The following TCF12 variants were observed in gnomAD, a reference collection of about 807,000 sequenced individuals.
The protein encoded by TCF12 is DNA-binding protein HTF4.
In TCF12, 45 loss-of-function variants were observed where a neutral mutation model predicts 86.0. The observed-to-expected ratio is 0.52, with a 90% CI of 0.41 to 0.67. The LOEUF is 0.67. Ranked by LOEUF, TCF12 falls within the 30% of genes least tolerant of loss-of-function variation. The pLI is 0.00. For missense variants in TCF12, 881 were observed against 859.9 expected (o/e 1.02, Z -0.31); for synonymous variants, 330 against 299.6 (o/e 1.10, Z -1.05).
At chr15:56,949,236 C>G (rs777858799) in intron 3 of TCF12, among the ~76,000 whole-genome samples, 14 of 152,082 alleles carry the variant, frequency 9.2e-5, no homozygotes, top group Non-Finnish European at 1.8e-4. Flanking sequence ...TCTGCATTTG[C>G]TGGTATTTTT....
At chr15:57,272,387 A>G (rs2061183106) in intron 18 of TCF12, among the ~76,000 whole-genome samples, 1 of 152,164 alleles carries the variant, frequency 6.6e-6, no homozygotes, top group African/African-American at 2.4e-5. Context: ...ATGTTTTATA[A>G]TTATCACCAC....
chr15:57,283,002 C>G (rs2061765164), intron 20 of TCF12, among the ~76,000 whole-genome samples: 1 of 152,182 alleles, frequency 6.6e-6, no homozygotes, highest in Admixed American at 6.5e-5. Flanking sequence ...TGCCAATTAT[C>G]TAGCTTTTTG....
At chr15:57,097,956 G>A (rs2049444134) in intron 5 of TCF12, among the ~76,000 whole-genome samples, 1 of 134,828 alleles carries the variant, frequency 7.4e-6, no homozygotes, top group Admixed American at 8.6e-5. Context: ...AGGAGTTCGA[G>A]ACCAGCCTGA....
intron 16 of TCF12, among the ~76,000 whole-genome samples, chr15:57,255,960 C>T (rs931269780): frequency 2.0e-5 from 3 of 152,150 alleles, no homozygotes; most frequent in Non-Finnish European, 4.4e-5. Context: ...ACCTTCTCAG[C>T]GGGTACAGAG....
intron 3 of TCF12, among the ~76,000 whole-genome samples, chr15:56,981,373 C>CGG (rs1256401562): frequency 6.6e-6 from 1 of 152,136 alleles, no homozygotes; most frequent in Non-Finnish European, 1.5e-5. Context: ...CTGGAGAGAA[C>CGG]GGATGTTGTG....
At chr15:57,239,699 T>C (rs558675322) in intron 12 of TCF12, among the ~76,000 whole-genome samples, 1 of 152,064 alleles carries the variant, frequency 6.6e-6, no homozygotes, top group African/African-American at 2.4e-5. Context: ...ATTAGAGAAT[T>C]GTGGATATCG....
intron 8 of TCF12, among the ~76,000 whole-genome samples, chr15:57,210,002 G>T (rs774940984): frequency 1.3e-5 from 2 of 151,978 alleles, no homozygotes; most frequent in African/African-American, 4.8e-5. Context: ...GATCTTTTGT[G>T]ACCATCCTAT....
intron 8 of TCF12, among the ~76,000 whole-genome samples, chr15:57,209,486 C>T (rs112679456): frequency 0.019 from 2,951 of 152,246 alleles, 87 homozygotes; most frequent in African/African-American, 0.064. Context: ...AAATAAGTTA[C>T]GGTTTCATTG....
intron 3 of TCF12, among the ~76,000 whole-genome samples, chr15:56,992,864 G>A (rs2063520486): frequency 6.6e-6 from 1 of 152,180 alleles, no homozygotes; most frequent in Non-Finnish European, 1.5e-5. Context: ...TATTTGAGGA[G>A]TTCATGTGTC....
chr15:57,223,429 A>G (rs1283587093), intron 8 of TCF12, among the ~76,000 whole-genome samples: 2 of 152,056 alleles, frequency 1.3e-5, no homozygotes, highest in Non-Finnish European at 2.9e-5. Context: ...GGAAAAGCAC[A>G]AGGCCACTCT....
At chr15:57,031,751 C>G (rs1350336840) in intron 3 of TCF12, among the ~76,000 whole-genome samples, 1 of 152,220 alleles carries the variant, frequency 6.6e-6, no homozygotes, top group Non-Finnish European at 1.5e-5. Flanking sequence ...TCCAGAAGCT[C>G]TCTAACTCTG....
chr15:56,985,709 A>G (rs1567206891), intron 3 of TCF12, among the ~76,000 whole-genome samples: 1 of 152,172 alleles, frequency 6.6e-6, no homozygotes, highest in Non-Finnish European at 1.5e-5. Flanking sequence ...GTACCTACCT[A>G]ATGAAATCTA....
chr15:57,256,584 CT>C (rs1478746241), intron 16 of TCF12, among the ~76,000 whole-genome samples: 1 of 114,756 alleles, frequency 8.7e-6, no homozygotes, highest in Non-Finnish European at 1.7e-5. Context: ...TGTTTTTGGT[CT>C]CTTATAACTT....
At chr15:57,221,411 T>TGC (rs1555399517) in intron 8 of TCF12, among the ~76,000 whole-genome samples, 2 of 147,346 alleles carry the variant, frequency 1.4e-5, no homozygotes, top group African/African-American at 4.9e-5. Flanking sequence ...TGTGTGTGTG[T>TGC]GCACGTGTAT....
At chr15:57,079,427 A>G (rs1381003822) in intron 4 of TCF12, among the ~76,000 whole-genome samples, 1 of 152,180 alleles carries the variant, frequency 6.6e-6, no homozygotes, top group Non-Finnish European at 1.5e-5. Context: ...TGGCACTTCC[A>G]CATCTCATGC....
intron 3 of TCF12, among the ~76,000 whole-genome samples, chr15:56,984,517 CACAG>C (rs1175237420): frequency 6.6e-6 from 1 of 152,058 alleles, no homozygotes; most frequent in Non-Finnish European, 1.5e-5. Flanking sequence ...TATGTAAAAT[CACAG>C]ACAATTAGAG....
intron 3 of TCF12, among the ~76,000 whole-genome samples, chr15:57,037,318 G>A (rs2066564224): frequency 6.6e-6 from 1 of 152,116 alleles, no homozygotes; most frequent in African/African-American, 2.4e-5. Context: ...CCTCACGCCT[G>A]TAATCCCAGC....
intron 13 of TCF12, chr15:57,247,550 G>A (rs1229611635): frequency 1.1e-5 from 10 of 927,024 alleles, no homozygotes; most frequent in South Asian, 2.6e-5. Context: ...AGCAAATCCT[G>A]TCTTTTTTCC....
At chr15:57,058,111 A>G (rs2068173117) in intron 3 of TCF12, among the ~76,000 whole-genome samples, 1 of 152,224 alleles carries the variant, frequency 6.6e-6, no homozygotes, top group African/African-American at 2.4e-5. Context: ...TCCTCAAAAT[A>G]CAGTGACCAC....
Sources: allele counts gnomAD v4.1 joint callset (sites outside exome capture counted in the v4.1 genomes callset), GRCh38; gene constraint gnomAD v4.1.1; transcripts MANE v1.5; gene names NCBI Gene and HGNC (gene_info 2026-07-23, HGNC 2026-07-21).